PDE1A: variants seen among roughly 807,000 people sequenced by gnomAD.
The protein encoded by PDE1A is phosphodiesterase 1A.
PDE1A carries 35 observed loss-of-function variants against 61.7 expected under a neutral mutation model. That is an observed-to-expected ratio of 0.57 (90% CI 0.43 to 0.75). The LOEUF is 0.75. Ranked by LOEUF, PDE1A falls within the 30% of genes least tolerant of loss-of-function variation. The probability of loss-of-function intolerance (pLI) is 0.00; values close to 1 mark genes in which losing one functional copy is unlikely to be tolerated. For missense variants in PDE1A, 597 were observed against 630.6 expected (o/e 0.95, Z 0.57); for synonymous variants, 232 against 213.2 (o/e 1.09, Z -0.77).
the PDE1A span, among the ~76,000 whole-genome samples, chr2:182,626,707 A>G: frequency 8.2e-6 from 1 of 122,204 alleles, no homozygotes; most frequent in Non-Finnish European, 1.6e-5. Flanking sequence ...AGATCAAAGA[A>G]CAAATGGCTT....
At chr2:182,473,713 C>A (rs543750645) in intron 2 of PDE1A, among the ~76,000 whole-genome samples, 20 of 151,992 alleles carry the variant, frequency 1.3e-4, no homozygotes, top group Middle Eastern at 3.4e-3. Flanking sequence ...CATAATTTAG[C>A]CCCACATATA....
chr2:182,636,101 GC>G, the PDE1A span, among the ~76,000 whole-genome samples: 2 of 151,518 alleles, frequency 1.3e-5, no homozygotes, highest in Non-Finnish European at 2.9e-5. Context: ...GACTACAGGT[GC>G]CCGCCACCGT....
At chr2:182,576,054 G>A in the PDE1A span, among the ~76,000 whole-genome samples, 5 of 151,046 alleles carry the variant, frequency 3.3e-5, no homozygotes, top group Non-Finnish European at 7.4e-5. Flanking sequence ...TAAAAATTGT[G>A]ATAAAATGCA....
At chr2:182,432,002 C>G (rs1414252099), upstream of PDE1A, among the ~76,000 whole-genome samples, 8 of 152,124 alleles carry the variant, frequency 5.3e-5, no homozygotes, top group Non-Finnish European at 2.9e-5. Context: ...ATTGAATAGG[C>G]TTATAGATTA....
intron 2 of PDE1A, among the ~76,000 whole-genome samples, chr2:182,497,487 G>A (rs79303019): frequency 0.023 from 3,498 of 152,240 alleles, 95 homozygotes; most frequent in East Asian, 0.14. Flanking sequence ...TTCCCATGTC[G>A]CTTTGGGAAA....
the PDE1A span, among the ~76,000 whole-genome samples, chr2:182,571,180 A>C: frequency 6.6e-6 from 1 of 152,188 alleles, no homozygotes; most frequent in Admixed American, 6.5e-5. Context: ...GAATGGTAAG[A>C]GCTATTTTCA....
chr2:182,540,257 G>A, the PDE1A span, among the ~76,000 whole-genome samples: 11 of 151,696 alleles, frequency 7.3e-5, no homozygotes, highest in South Asian at 1.5e-3. Context: ...CCAGCTACTC[G>A]GGAGCCTGAG....
At chr2:182,364,479 A>C (rs1006488929) in intron 1 of PDE1A, among the ~76,000 whole-genome samples, 2 of 140,994 alleles carry the variant, frequency 1.4e-5, no homozygotes, top group African/African-American at 2.6e-5. Flanking sequence ...AAAAAAAAAA[A>C]AAAAAAAAAA....
At chr2:182,426,447 C>T (rs1703626564) in intron 1 of PDE1A, 131 bp downstream of exon 1, 1 of 639,460 alleles carries the variant, frequency 1.6e-6, no homozygotes, top group East Asian at 2.7e-5. Flanking sequence ...CCTCAGTATG[C>T]CTGAAGTTAA....
chr2:182,229,890 T>C (rs1689436920), intron 6 of PDE1A, 116 bp downstream of exon 6: 1 of 629,678 alleles, frequency 1.6e-6, no homozygotes, highest in East Asian at 2.8e-5. Context: ...TTATTCTTTA[T>C]AATACTTATT....
At chr2:182,566,276 A>G in the PDE1A span, among the ~76,000 whole-genome samples, 3 of 152,054 alleles carry the variant, frequency 2.0e-5, no homozygotes, top group Admixed American at 6.6e-5. Context: ...TTCATTTCCC[A>G]TATCTATCTA....
intron 2 of PDE1A, among the ~76,000 whole-genome samples, chr2:182,484,276 A>T (rs1450387639): frequency 6.6e-6 from 1 of 152,042 alleles, no homozygotes; most frequent in Non-Finnish European, 1.5e-5. Flanking sequence ...ATACCACAAG[A>T]AAAGAAAACT....
intron 1 of PDE1A, among the ~76,000 whole-genome samples, chr2:182,307,503 A>G (rs1157323447): frequency 3.3e-5 from 5 of 152,112 alleles, no homozygotes; most frequent in African/African-American, 1.2e-4. Flanking sequence ...TGAGCCTCCA[A>G]AGCTGTGAGT....
At chr2:182,218,236 A>G (rs1688390696) in intron 7 of PDE1A, among the ~76,000 whole-genome samples, 1 of 138,520 alleles carries the variant, frequency 7.2e-6, no homozygotes, top group African/African-American at 2.7e-5. Flanking sequence ...ACATGGACAC[A>G]GGAAGGGGAA....
downstream of PDE1A, chr2:182,142,123 A>AACACACACACACACACACAC (rs59139983): frequency 2.1e-5 from 3 of 146,212 alleles, no homozygotes; most frequent in Admixed American, 6.9e-5. Flanking sequence ...GACATTTTTG[A>AACACACACACACACACACAC]ACACACACAC....
At chr2:182,548,895 A>C in the PDE1A span, among the ~76,000 whole-genome samples, 2 of 152,216 alleles carry the variant, frequency 1.3e-5, no homozygotes, top group South Asian at 4.1e-4. Context: ...TTCCATGTGG[A>C]TAATCAATTA....
chr2:182,304,058 G>A (rs907916246), intron 1 of PDE1A, among the ~76,000 whole-genome samples: 2 of 151,962 alleles, frequency 1.3e-5, no homozygotes, highest in Non-Finnish European at 2.9e-5. Context: ...GTGCCACCAT[G>A]ACCAGCTAAT....
chr2:182,305,715 T>G (rs1362264845), intron 1 of PDE1A, among the ~76,000 whole-genome samples: 1 of 150,820 alleles, frequency 6.6e-6, no homozygotes, highest in Non-Finnish European at 1.5e-5. Flanking sequence ...TGTTGTTGTT[T>G]TTATTATCTT....
chr2:182,590,508 A>C, the PDE1A span, among the ~76,000 whole-genome samples: 2 of 152,288 alleles, frequency 1.3e-5, no homozygotes, highest in African/African-American at 4.8e-5. Context: ...TATTAAAAAC[A>C]CTATAATGGT....
Sources: gnomAD v4.1 joint callset for allele counts (sites outside exome capture counted in the v4.1 genomes callset) on GRCh38, gnomAD v4.1.1 for gene constraint, MANE v1.5 for transcripts, NCBI Gene and HGNC (gene_info 2026-07-23, HGNC 2026-07-21) for gene names.